The following LAMA3 variants were observed in gnomAD, a reference collection of about 807,000 sequenced individuals.
The protein encoded by LAMA3 is laminin subunit alpha 3, also known as laminin subunit alpha-3.
Under a neutral mutation model 402.0 loss-of-function variants are expected in LAMA3, and 281 were observed. The ratio of observed to expected loss-of-function variants is 0.70; its 90% confidence interval spans 0.63 to 0.77. The LOEUF (loss-of-function observed/expected upper bound fraction) is 0.77. Among genes scored for constraint, LAMA3 ranks in the 30% least tolerant of loss-of-function variants. LAMA3 has a pLI of 0.00. For missense variants in LAMA3, 3,840 were observed against 4,215.5 expected (o/e 0.91, Z 2.47); for synonymous variants, 1,431 against 1,558.4 (o/e 0.92, Z 1.93).
At position 23,847,596 on chromosome 18, in the gene LAMA3, G is replaced by A. The variant is rs2063846258; in HGVS notation, c.4064G>A (p.Gly1355Asp). The change falls in exon 32 of 75, where the codon GGC becomes GAC. Residue 1355 changes from glycine (G) to aspartate (D), a missense_variant. Gly to Asp is a moderately conservative substitution (Grantham distance 94). Transcript: ENST00000313654. ...TTCCACCCCATGGCCGGCTGCGAAG[G>A]CTGCAACTGTTCCAGGAGGGGCACC... ...FSFHPMAGCE[G>D]CNCSRRGTIE... 1 of 1,614,092 alleles carries A rather than the reference G, an allele frequency of 6.2e-7. No individual in the cohort carries two copies. The highest frequency in any genetic ancestry group is 2.2e-5 in the East Asian group (1 of 44,886).
intron 1 of LAMA3, among the ~76,000 whole-genome samples, chr18:23,690,827 A>T (rs1040443640): frequency 6.6e-6 from 1 of 151,340 alleles, no homozygotes; most frequent in Admixed American, 6.6e-5. Flanking sequence ...CCGGGGCTGA[A>T]ATGCAATGGT....
chr18:23,835,856 T>C (rs1000628255), intron 24 of LAMA3, among the ~76,000 whole-genome samples: 4 of 151,976 alleles, frequency 2.6e-5, no homozygotes, highest in African/African-American at 7.3e-5. Context: ...GTTCTAACGA[T>C]GTTAAAAAAA....
chr18:23,924,185 T>C (rs1424470972), intron 62 of LAMA3, among the ~76,000 whole-genome samples: 3 of 152,136 alleles, frequency 2.0e-5, no homozygotes, highest in African/African-American at 4.8e-5. Flanking sequence ...AGAGTCTTGC[T>C]CTGTCACCCA....
At chr18:23,833,652 G>A (rs1301975334) in intron 23 of LAMA3, among the ~76,000 whole-genome samples, 176 bp from the exon 24 acceptor site, 1 of 152,116 alleles carries the variant, frequency 6.6e-6, no homozygotes, top group Admixed American at 6.5e-5. Context: ...AAATTTAACA[G>A]GGCACCATGT....
intron 52 of LAMA3, among the ~76,000 whole-genome samples, chr18:23,907,038 T>C (rs2081272458): frequency 6.6e-6 from 1 of 152,258 alleles, no homozygotes. Context: ...GCCTACTTTG[T>C]GTCTGTATTT....
Position 23,864,785 on chromosome 18 carries a change from G to A in LAMA3, c.4585G>A (p.Val1529Ile). 1 of 1,596,686 alleles carries A rather than the reference G, an allele frequency of 6.3e-7. No individual in the cohort carries two copies. The highest frequency in any genetic ancestry group is 8.6e-7 in the Non-Finnish European group (1 of 1,164,586). Reference sequence around the variant, plus strand: ...ATTGATGCTATTAATTCCATTTTAGGTTTCTTCATATGGTGGTTACCTCAC... The same window carrying A: ...ATTGATGCTATTAATTCCATTTTAGATTTCTTCATATGGTGGTTACCTCAC... ...VAPTSYLGDKVSSYGGYLTYQ... is the reference protein window; with the variant it reads ...VAPTSYLGDKISSYGGYLTYQ... The change falls in exon 36 of 75, where the codon GTT becomes ATT. Residue 1529 changes from valine (V) to isoleucine (I), a missense_variant and splice_region_variant. Coordinates refer to ENST00000313654, the MANE Select transcript of LAMA3 (RefSeq NM_198129.4).
intron 2 of LAMA3, among the ~76,000 whole-genome samples, chr18:23,726,272 C>T (rs952515666): frequency 6.6e-6 from 1 of 152,230 alleles, no homozygotes; most frequent in Non-Finnish European, 1.5e-5. Context: ...CCCAGGTGGG[C>T]AGAGCAGCTG....
chr18:23,795,994 A>T (rs2062755558), intron 12 of LAMA3: 3 of 346,034 alleles, frequency 8.7e-6, no homozygotes, highest in Admixed American at 3.7e-5. Flanking sequence ...TAGCTCGTTC[A>T]CTCTCTCTCT....
chr18:23,907,577 A>G lies in LAMA3; in HGVS notation c.6746A>G (p.Gln2249Arg), dbSNP rs772773466. 2.5e-6 allele frequency: 4 copies of G among 1,613,846 alleles called. No homozygotes were observed. The African/African-American group carries it at 4.0e-5, about 16-fold the overall frequency. The stretch of plus-strand genomic sequence containing the variant: ...GTCAGTCCAGCTCTCAACAACCTAC[A>G]GCAAACCCTGAATATTGTGACAGTT... ...QEVSPALNNL[Q>R]QTLNIVTVQK... is the part of the protein sequence containing the mutation. The change falls in exon 53 of 75, where the codon CAG (glutamine) becomes CGG (arginine). Residue 2249 changes from glutamine to arginine, a missense_variant. Coordinates refer to ENST00000313654, the MANE Select transcript of LAMA3 (RefSeq NM_198129.4).
intron 1 of LAMA3, among the ~76,000 whole-genome samples, chr18:23,695,302 A>T (rs1017619705): frequency 6.6e-6 from 1 of 152,192 alleles, no homozygotes; most frequent in Non-Finnish European, 1.5e-5. Context: ...TAATGCAGTA[A>T]CTTTAGCTTC....
Position 23,933,951 on chromosome 18 carries a change from T to C in LAMA3, c.8862+16T>C, listed in dbSNP as rs776067775. 6.2e-6 allele frequency: 10 copies of C among 1,612,758 alleles called. No homozygotes were observed. In the South Asian group the frequency reaches 1.1e-4, roughly 18 times the overall value. Reference sequence around the variant, plus strand: ...TATCAACCAGGTAAGTGTCCAAACCTAACCCTGGGTTTCCCTCTTCCCTGG... The same window carrying C: ...TATCAACCAGGTAAGTGTCCAAACCCAACCCTGGGTTTCCCTCTTCCCTGG... On this transcript the variant is annotated intron_variant, in intron 67 of 74. Coordinates refer to ENST00000313654, the MANE Select transcript of LAMA3 (RefSeq NM_198129.4).
chr18:23,709,907 A>T, intron 1 of LAMA3: 1 of 722,122 alleles, frequency 1.4e-6, no homozygotes. Flanking sequence ...CATCAGGCCT[A>T]ATCAGGGTGT....
At chr18:23,761,866 T>C (rs139735212) in intron 7 of LAMA3, among the ~76,000 whole-genome samples, 1 of 152,344 alleles carries the variant, frequency 6.6e-6, no homozygotes, top group African/African-American at 2.4e-5. Flanking sequence ...TACTGGTCTT[T>C]CACAGTAATA....
At position 23,758,473 on chromosome 18, in the gene LAMA3, G is replaced by A; in HGVS notation, c.1025G>A (p.Trp342Ter). The change falls in exon 7 of 75, where the codon TGG (tryptophan) becomes TAG (stop). Residue 342 changes from tryptophan to a stop codon, truncating the protein, a stop_gained. Transcript: ENST00000313654. LOFTEE classifies it high-confidence loss of function. ...TGCACAGGGTACAATCAGAGGCGCT[G>A]GCGGCCCGCCGCTTGGGAGCAGAGC... ...RCCTGYNQRR[W>*]RPAAWEQSHE... 1.9e-6 allele frequency: 3 copies of A among 1,613,406 alleles called. No homozygotes were observed. The highest frequency in any genetic ancestry group is 2.5e-6 in the Non-Finnish European group (3 of 1,179,938).
chr18:23,858,089 C>T (rs542454335), intron 33 of LAMA3, 101 bp downstream of exon 33: 630 of 1,361,576 alleles, frequency 4.6e-4, no homozygotes, highest in Middle Eastern at 8.2e-4. Context: ...GGGACTGACC[C>T]GTAAGAGATG....
intron 1 of LAMA3, among the ~76,000 whole-genome samples, chr18:23,692,343 C>T (rs1458246356): frequency 2.0e-5 from 3 of 152,258 alleles, no homozygotes; most frequent in Non-Finnish European, 4.4e-5. Context: ...ACGGTCTCAG[C>T]TCACTGCAAC....
intron 12 of LAMA3, among the ~76,000 whole-genome samples, chr18:23,795,334 C>G (rs560725512): frequency 1.3e-5 from 2 of 152,056 alleles, no homozygotes; most frequent in African/African-American, 4.8e-5. Context: ...GAATGAAGGG[C>G]AAACAAGCTA....
At chr18:23,708,398 C>CT (rs1373976001) in intron 1 of LAMA3, among the ~76,000 whole-genome samples, 1 of 152,124 alleles carries the variant, frequency 6.6e-6, no homozygotes, top group Non-Finnish European at 1.5e-5. Context: ...TAAGAAAGTC[C>CT]TTATTCAGGT....
chr18:23,884,913 G>T (rs2144953868), intron 41 of LAMA3, 60 bp downstream of exon 41: 1 of 1,343,026 alleles, frequency 7.4e-7, no homozygotes. Flanking sequence ...CTGTGGGTGG[G>T]GCTGCCAGGT....
Sources: allele counts gnomAD v4.1 joint callset (sites outside exome capture counted in the v4.1 genomes callset), GRCh38; gene constraint gnomAD v4.1.1; transcripts MANE v1.5; gene names NCBI Gene and HGNC (gene_info 2026-07-23, HGNC 2026-07-21).